Variants in FGF14 observed in about 807,000 individuals in gnomAD.
FGF14 encodes the protein fibroblast growth factor homologous factor 4.
A neutral mutation model predicts 25.5 loss-of-function variants in FGF14; 5 were observed. That is an observed-to-expected ratio of 0.20 (90% CI 0.10 to 0.41). The LOEUF is 0.41. Ranked by LOEUF, FGF14 falls within the 10% of genes least tolerant of loss-of-function variation. The pLI, the probability that FGF14 is intolerant of heterozygous loss-of-function variation, is 1.00. For missense variants in FGF14, 222 were observed against 320.1 expected (o/e 0.69, Z 2.34); for synonymous variants, 138 against 118.3 (o/e 1.17, Z -1.08).
In FGF14 at chr13:102,238,323, T is replaced by G. The variant is rs2051423108; in HGVS notation, c.208+163148A>C. Among the ~76,000 whole-genome samples the G allele has an allele frequency of 2.6e-5, 4 of 152,226 alleles. No homozygotes were observed. In the South Asian group the frequency reaches 8.3e-4, roughly 31 times the overall value. ...TTTTCCAGAGATGATTTAAAATGTGTAGAATATAAAGAATGTTTCCATCTT... is the reference window on the plus strand; with the variant it reads ...TTTTCCAGAGATGATTTAAAATGTGGAGAATATAAAGAATGTTTCCATCTT... On this transcript the variant is annotated intron_variant, in intron 1 of 4. Coordinates refer to the FGF14 transcript ENST00000376131.
chr13:102,086,704 G>GT (rs966415145), intron 1 of FGF14, among the ~76,000 whole-genome samples: 2 of 152,120 alleles, frequency 1.3e-5, no homozygotes, highest in African/African-American at 4.8e-5. Context: ...CAAAGAATTA[G>GT]TTTTTTCTTT....
intron 1 of FGF14, among the ~76,000 whole-genome samples, chr13:101,943,678 T>G (rs912609193): frequency 1.3e-5 from 2 of 151,824 alleles, no homozygotes; most frequent in Non-Finnish European, 2.9e-5. Flanking sequence ...TCTCCTCCCT[T>G]AAAAATGGCA....
chr13:102,001,412 CT>C (rs2039488405), intron 1 of FGF14, among the ~76,000 whole-genome samples: 1 of 152,036 alleles, frequency 6.6e-6, no homozygotes, highest in Non-Finnish European at 1.5e-5. Flanking sequence ...CTCAAAGAGA[CT>C]TTTGGATCAT....
intron 3 of FGF14, among the ~76,000 whole-genome samples, chr13:101,853,108 G>T (rs560223925): frequency 6.6e-5 from 10 of 152,180 alleles, no homozygotes; most frequent in African/African-American, 2.4e-4. Flanking sequence ...TGGTTGCCCA[G>T]TCTTGTGATC....
intron 1 of FGF14, among the ~76,000 whole-genome samples, chr13:101,887,867 T>C (rs909377065): frequency 2.0e-5 from 3 of 152,176 alleles, no homozygotes; most frequent in African/African-American, 7.2e-5. Flanking sequence ...ACAATCTTTA[T>C]GTATCAAAAA....
At chr13:102,136,759 T>C (rs997742434) in intron 1 of FGF14, among the ~76,000 whole-genome samples, 3 of 152,180 alleles carry the variant, frequency 2.0e-5, no homozygotes, top group African/African-American at 7.2e-5. Context: ...TATGGAAATG[T>C]ACTGTGTTCA....
chr13:102,201,694 A>G (rs1319787995), intron 1 of FGF14, among the ~76,000 whole-genome samples: 2 of 152,230 alleles, frequency 1.3e-5, no homozygotes, highest in Non-Finnish European at 2.9e-5. Flanking sequence ...AGCAGAGGGA[A>G]ATGTTTGGAA....
At chr13:102,361,296 C>A (rs1402815821) in intron 1 of FGF14, among the ~76,000 whole-genome samples, 1 of 152,118 alleles carries the variant, frequency 6.6e-6, no homozygotes, top group African/African-American at 2.4e-5. Context: ...CAAGAACAGG[C>A]AGAATATTAT....
chr13:102,172,949 A>G (rs189726441), intron 1 of FGF14, among the ~76,000 whole-genome samples: 2 of 152,252 alleles, frequency 1.3e-5, no homozygotes, highest in East Asian at 1.9e-4. Flanking sequence ...TATATGTTTA[A>G]TAACAGTTTG....
At chr13:101,804,305 A>T (rs1045817049) in intron 3 of FGF14, among the ~76,000 whole-genome samples, 13 of 152,166 alleles carry the variant, frequency 8.5e-5, no homozygotes, top group African/African-American at 2.9e-4. Flanking sequence ...GATGGAATGA[A>T]ATGGAGAAAC....
At chr13:102,255,120 A>T (rs1277322733) in intron 1 of FGF14, among the ~76,000 whole-genome samples, 1 of 152,174 alleles carries the variant, frequency 6.6e-6, no homozygotes, top group Non-Finnish European at 1.5e-5. Context: ...GATAATGCAG[A>T]CCACCTCAAA....
At chr13:101,773,824 TGG>T (rs2038929586) in intron 3 of FGF14, among the ~76,000 whole-genome samples, 1 of 148,976 alleles carries the variant, frequency 6.7e-6, no homozygotes, top group Non-Finnish European at 1.5e-5. Context: ...GAGTATTATC[TGG>T]GTATCATCTG....
At chr13:102,299,275 G>C (rs1040832377) in intron 1 of FGF14, among the ~76,000 whole-genome samples, 2 of 148,926 alleles carry the variant, frequency 1.3e-5, no homozygotes, top group African/African-American at 4.9e-5. Flanking sequence ...GTATGGTTTG[G>C]AGAAGTGATT....
chr13:102,128,250 GC>G (rs921036175), intron 1 of FGF14, among the ~76,000 whole-genome samples: 46 of 131,734 alleles, frequency 3.5e-4, no homozygotes, highest in African/African-American at 1.2e-3. Context: ...TCAAATAGTA[GC>G]CCATACTAGG....
chr13:101,822,494 CA>C (rs34333597), intron 3 of FGF14, among the ~76,000 whole-genome samples: 80,731 of 143,746 alleles, frequency 0.56, 21,974 homozygotes, highest in Middle Eastern at 0.6. Flanking sequence ...AAATTTCTAC[CA>C]AAAAAAAAAA....
At chr13:102,381,816 T>TA (rs2058189790) in intron 1 of FGF14, among the ~76,000 whole-genome samples, 1 of 152,202 alleles carries the variant, frequency 6.6e-6, no homozygotes, top group Non-Finnish European at 1.5e-5. Flanking sequence ...AGGACATTTT[T>TA]AGAGTGTTCT....
In FGF14 at chr13:101,796,329, C is replaced by G. The variant is rs73574338; in HGVS notation, c.409-69519G>C. 2.9e-3 allele frequency among the ~76,000 whole-genome samples: 437 copies of G among 152,128 alleles called. 3 individuals are homozygous for G. Among genetic ancestry groups the G allele is most frequent in the African/African-American group, 0.01 (421 of 41,512 alleles). On this transcript the variant is annotated intron_variant, in intron 3 of 4. Coordinates refer to ENST00000376143, the MANE Select transcript of FGF14 (RefSeq NM_004115.4). ...GCCTTCCAGATCTCTCCACTCTGAT[C>G]CTGCCTCCCCTGACCCTTTATATCT...
intron 1 of FGF14, among the ~76,000 whole-genome samples, chr13:102,197,985 C>A (rs1165829785): frequency 1.3e-5 from 2 of 152,196 alleles, no homozygotes; most frequent in Non-Finnish European, 2.9e-5. Flanking sequence ...CATGGCGAAG[C>A]AACACTTTTC....
chr13:102,079,927 T>C (rs1191257390), intron 1 of FGF14, among the ~76,000 whole-genome samples: 1 of 151,972 alleles, frequency 6.6e-6, no homozygotes, highest in African/African-American at 2.4e-5. Flanking sequence ...GCAAGCAGGA[T>C]CAATAAGTGG....
Sources: allele counts gnomAD v4.1 joint callset (sites outside exome capture counted in the v4.1 genomes callset), GRCh38; gene constraint gnomAD v4.1.1; transcripts MANE v1.5; gene names NCBI Gene and HGNC (gene_info 2026-07-23, HGNC 2026-07-21).